The following TTC6 variants were observed in gnomAD, a reference collection of about 807,000 sequenced individuals.
TTC6 encodes tetratricopeptide repeat domain 6.
TTC6 carries 172 observed loss-of-function variants against 210.4 expected under a neutral mutation model. That is an observed-to-expected ratio of 0.82 (90% CI 0.72 to 0.93). The LOEUF (loss-of-function observed/expected upper bound fraction) is 0.93, where lower values mean the gene tolerates loss of function less well. Among genes scored for constraint, TTC6 ranks in the 40% least tolerant of loss-of-function variants. The pLI is 0.00. For missense variants in TTC6, 2,414 were observed against 2,318.1 expected, an observed-to-expected ratio of 1.04 and a Z score of -0.85; for synonymous variants, 804 against 819.6, an observed-to-expected ratio of 0.98 and a Z score of 0.32.
chr14:37,758,003 T>A (rs1265272249), intron 14 of TTC6, among the ~76,000 whole-genome samples: 1 of 152,240 alleles, frequency 6.6e-6, no homozygotes, highest in Non-Finnish European at 1.5e-5. Flanking sequence ...ACTGAGTTTC[T>A]TAATCCTGAG....
chr14:37,644,986 A>G (rs1288706398), intron 1 of TTC6, among the ~76,000 whole-genome samples: 2 of 152,220 alleles, frequency 1.3e-5, no homozygotes, highest in African/African-American at 4.8e-5. Flanking sequence ...GTTCTTAAAT[A>G]TAAGACAATA....
intron 14 of TTC6, among the ~76,000 whole-genome samples, chr14:37,757,481 G>A (rs2095971591): frequency 6.6e-6 from 1 of 151,924 alleles, no homozygotes; most frequent in South Asian, 2.1e-4. Flanking sequence ...CACCGTGTTA[G>A]TCAGGATGAT....
intron 7 of TTC6, among the ~76,000 whole-genome samples, chr14:37,730,174 C>G (rs2095882324): frequency 1.3e-5 from 2 of 152,156 alleles, no homozygotes; most frequent in Admixed American, 1.3e-4. Context: ...ATGCACAGAT[C>G]TATGTGCTCT....
At chr14:37,708,053 T>G (rs1005004236) in intron 5 of TTC6, among the ~76,000 whole-genome samples, 4 of 152,058 alleles carry the variant, frequency 2.6e-5, no homozygotes, top group Non-Finnish European at 5.9e-5. Flanking sequence ...GGGTTTTCTA[T>G]ATGGTAGATT....
chr14:37,763,049 T>G (rs1437422604), intron 14 of TTC6, among the ~76,000 whole-genome samples: 6 of 134,328 alleles, frequency 4.5e-5, no homozygotes, highest in Middle Eastern at 3.6e-3. Context: ...CACACCCGCC[T>G]AATTTTTTTT....
intron 5 of TTC6, among the ~76,000 whole-genome samples, chr14:37,705,701 A>T (rs796595791): frequency 1.3e-5 from 2 of 152,154 alleles, no homozygotes; most frequent in South Asian, 4.1e-4. Context: ...GGGAACCTGG[A>T]GACCAGTGAA....
chr14:37,638,108 A>G (rs932275628), intron 1 of TTC6, among the ~76,000 whole-genome samples: 1 of 152,200 alleles, frequency 6.6e-6, no homozygotes, highest in Non-Finnish European at 1.5e-5. Flanking sequence ...GTAAATGGAT[A>G]TATAACTTAG....
intron 20 of TTC6, among the ~76,000 whole-genome samples, chr14:37,803,970 T>G (rs1340317145): frequency 6.6e-6 from 1 of 152,026 alleles, no homozygotes; most frequent in African/African-American, 2.4e-5. Flanking sequence ...AACAAGTATT[T>G]GTCTTTCTAT....
chr14:37,739,347 C>T (rs181945736), intron 10 of TTC6, among the ~76,000 whole-genome samples, 192 bp downstream of exon 12: 9 of 152,030 alleles, frequency 5.9e-5, no homozygotes, highest in African/African-American at 9.6e-5. Context: ...GAGGCAGAGG[C>T]GGGCGGATCA....
intron 6 of TTC6, among the ~76,000 whole-genome samples, chr14:37,719,368 G>A (rs931123174): frequency 1.8e-4 from 28 of 151,890 alleles, no homozygotes; most frequent in South Asian, 1.7e-3. Flanking sequence ...TCTAAAGTTT[G>A]TATGGAAATG....
At chr14:37,600,188 T>C (rs760254444) in intron 1 of TTC6, among the ~76,000 whole-genome samples, 9 of 152,214 alleles carry the variant, frequency 5.9e-5, no homozygotes, top group Non-Finnish European at 1.3e-4. Context: ...GCTGAGGTCC[T>C]ACTGCGTGCC....
chr14:37,796,211 T>C, intron 18 of TTC6, 83 bp from the exon 21 acceptor site: 1 of 572,388 alleles, frequency 1.7e-6, no homozygotes, highest in Non-Finnish European at 3.0e-6. Flanking sequence ...TATTGTAAAA[T>C]TGTAAGTAAC....
intron 1 of TTC6, among the ~76,000 whole-genome samples, chr14:37,599,475 T>C (rs1413445192): frequency 6.6e-6 from 1 of 152,172 alleles, no homozygotes; most frequent in Non-Finnish European, 1.5e-5. Flanking sequence ...ACCCAGGGCT[T>C]TCACTTATTT....
chr14:37,789,958 T>G (rs911488462), intron 15 of TTC6, among the ~76,000 whole-genome samples: 12 of 152,042 alleles, frequency 7.9e-5, no homozygotes, highest in African/African-American at 2.9e-4. Context: ...CTGTCAAAAC[T>G]TGTGGAAACC....
chr14:37,725,214 A>C (rs1011172634), intron 7 of TTC6, among the ~76,000 whole-genome samples: 2 of 146,054 alleles, frequency 1.4e-5, no homozygotes, highest in African/African-American at 2.5e-5. Flanking sequence ...CATACTTATA[A>C]ATTTATAATT....
At chr14:37,599,059 G>A (rs920335034) in intron 1 of TTC6, among the ~76,000 whole-genome samples, 21 of 152,108 alleles carry the variant, frequency 1.4e-4, no homozygotes, top group Non-Finnish European at 2.9e-4. Context: ...GCTCAGCTTA[G>A]AAGTGAGGAA....
chr14:37,830,276 T>A (rs1359425029), intron 29 of TTC6, among the ~76,000 whole-genome samples: 3 of 151,600 alleles, frequency 2.0e-5, no homozygotes, highest in Non-Finnish European at 4.4e-5. Context: ...ATAACCACAT[T>A]TTTTTTTAAG....
chr14:37,758,587 G>A (rs543474220), intron 14 of TTC6, among the ~76,000 whole-genome samples: 1 of 152,182 alleles, frequency 6.6e-6, no homozygotes, highest in South Asian at 2.1e-4. Context: ...ATCTTTGCAA[G>A]AGAGATGGGT....
chr14:37,712,837 GAC>G (rs1204626918), intron 5 of TTC6, among the ~76,000 whole-genome samples: 2 of 152,094 alleles, frequency 1.3e-5, no homozygotes, highest in African/African-American at 4.8e-5. Context: ...TTTGGGTGGG[GAC>G]ACAGCCAAAC....
Sources: allele counts gnomAD v4.1 joint callset (sites outside exome capture counted in the v4.1 genomes callset), GRCh38; gene constraint gnomAD v4.1.1; transcripts MANE v1.5; gene names NCBI Gene and HGNC (gene_info 2026-07-23, HGNC 2026-07-21).